The following NECAB1 variants were observed in gnomAD, a reference collection of about 807,000 sequenced individuals.
The protein encoded by NECAB1 is N-terminal EF-hand calcium-binding protein 1.
In NECAB1, 29 loss-of-function variants were observed where a neutral mutation model predicts 57.5. The observed-to-expected ratio is 0.50, with a 90% CI of 0.38 to 0.69. The LOEUF is 0.69. Ranked by LOEUF, NECAB1 falls within the 30% of genes least tolerant of loss-of-function variation. The pLI is 0.00. For synonymous variants in NECAB1, 142 were observed against 147.7 expected (o/e 0.96, Z 0.28); for missense variants, 372 against 413.8 (o/e 0.90, Z 0.88).
intron 5 of NECAB1, among the ~76,000 whole-genome samples, chr8:90,885,455 A>G (rs1300129877): frequency 6.6e-6 from 1 of 152,210 alleles, no homozygotes. Flanking sequence ...TTCCGTGGCT[A>G]TGACCAAAAA....
chr8:90,920,438 C>A (rs997359675), intron 6 of NECAB1, among the ~76,000 whole-genome samples: 1 of 152,198 alleles, frequency 6.6e-6, no homozygotes. Flanking sequence ...CTGGGACCTT[C>A]ATCAGTGAGG....
intron 2 of NECAB1, among the ~76,000 whole-genome samples, chr8:90,819,702 G>A (rs1205194314): frequency 6.6e-6 from 1 of 151,814 alleles, no homozygotes; most frequent in Non-Finnish European, 1.5e-5. Flanking sequence ...TTGTGGGCGT[G>A]TGTGCCTGGG....
At chr8:90,877,142 A>G (rs368666570) in intron 4 of NECAB1, among the ~76,000 whole-genome samples, 1 of 152,152 alleles carries the variant, frequency 6.6e-6, no homozygotes, top group African/African-American at 2.4e-5. Context: ...CAAATATGTC[A>G]CTGTCCTTCC....
At chr8:90,872,266 G>A in intron 4 of NECAB1, 113 bp downstream of exon 4, 1 of 841,066 alleles carries the variant, frequency 1.2e-6, no homozygotes, top group Non-Finnish European at 1.8e-6. Flanking sequence ...AGTTCACAAA[G>A]GAAAAATTAA....
chr8:90,925,472 C>T (rs544218341), intron 6 of NECAB1, 63 bp from the exon 7 acceptor site: 2 of 1,571,952 alleles, frequency 1.3e-6, no homozygotes, highest in African/African-American at 2.7e-5. Context: ...ATGAAGATCT[C>T]TTCCCTGAAG....
At chr8:90,927,847 G>A (rs1265766546) in intron 7 of NECAB1, among the ~76,000 whole-genome samples, 1 of 148,202 alleles carries the variant, frequency 6.7e-6, no homozygotes, top group Non-Finnish European at 1.5e-5. Flanking sequence ...GCTATGGTCA[G>A]GGGTATGATT....
intron 5 of NECAB1, among the ~76,000 whole-genome samples, chr8:90,916,381 T>A (rs1308231143): frequency 6.6e-6 from 1 of 152,156 alleles, no homozygotes; most frequent in African/African-American, 2.4e-5. Context: ...CTTAGTGATT[T>A]ATAAGTGGGA....
chr8:90,923,118 C>T (rs1025434816), intron 6 of NECAB1, among the ~76,000 whole-genome samples: 3 of 152,236 alleles, frequency 2.0e-5, no homozygotes, highest in African/African-American at 7.2e-5. Context: ...CAAGACTTGG[C>T]TGTACCATGT....
At chr8:90,848,298 T>C (rs1812607432) in intron 3 of NECAB1, among the ~76,000 whole-genome samples, 1 of 152,162 alleles carries the variant, frequency 6.6e-6, no homozygotes, top group Non-Finnish European at 1.5e-5. Context: ...TTACTGTCCA[T>C]ATCACTATCA....
Position 90,875,545 on chromosome 8 carries a change from G to T in NECAB1, c.259+3392G>T, listed in dbSNP as rs186400393. Reference sequence around the variant, plus strand: ...AGGTAGTTGAAATATTTACAGATGAGCGAAGAATAATTGCAATGAATGTGC... The same window carrying T: ...AGGTAGTTGAAATATTTACAGATGATCGAAGAATAATTGCAATGAATGTGC... On this transcript the variant is annotated intron_variant, in intron 4 of 12. Coordinates refer to ENST00000417640, the MANE Select transcript of NECAB1 (RefSeq NM_022351.5). 2.1e-3 allele frequency among the ~76,000 whole-genome samples: 313 copies of T among 147,704 alleles called. 1 individual carries two copies. The highest frequency in any genetic ancestry group is 7.1e-3 in the African/African-American group (285 of 39,886).
In NECAB1 at chr8:90,832,434, A is replaced by AT. The variant is rs1458022365; in HGVS notation, c.233+7615dup. 1.3e-4 allele frequency among the ~76,000 whole-genome samples: 20 copies of AT among 152,236 alleles called. No individual in the cohort carries two copies. The East Asian group carries it at 3.7e-3, about 28-fold the overall frequency. ...TTATAAAGGAGAGAATGTTAAAGGG[A>AT]TTTTTTCAAATGACATGGAAATGGT... On this transcript the variant is annotated intron_variant, in intron 3 of 12. Transcript: ENST00000417640.
At chr8:90,857,894 T>C (rs1433700231) in intron 3 of NECAB1, among the ~76,000 whole-genome samples, 1 of 152,162 alleles carries the variant, frequency 6.6e-6, no homozygotes, top group Admixed American at 6.5e-5. Context: ...AAATATAGGT[T>C]TATGAAAATA....
chr8:90,826,490 T>G (rs2129711418), intron 3 of NECAB1, among the ~76,000 whole-genome samples: 1 of 152,072 alleles, frequency 6.6e-6, no homozygotes, highest in South Asian at 2.1e-4. Context: ...TGCACTTTAC[T>G]GGGATATGAT....
intron 9 of NECAB1, among the ~76,000 whole-genome samples, chr8:90,939,235 C>T (rs1810611874): frequency 6.6e-6 from 1 of 152,228 alleles, no homozygotes; most frequent in African/African-American, 2.4e-5. Context: ...CCTGCTGTAG[C>T]AGGTCTTGTT....
intron 5 of NECAB1, among the ~76,000 whole-genome samples, chr8:90,890,974 T>G (rs181300371): frequency 2.7e-4 from 41 of 152,320 alleles, no homozygotes; most frequent in Admixed American, 9.8e-4. Context: ...CCAGTAAATC[T>G]GGAAAGTTAT....
At chr8:90,835,731 C>T (rs1273128652) in intron 3 of NECAB1, among the ~76,000 whole-genome samples, 1 of 152,142 alleles carries the variant, frequency 6.6e-6, no homozygotes, top group Non-Finnish European at 1.5e-5. Flanking sequence ...TCTCCAAATA[C>T]AATTGTAAAT....
intron 12 of NECAB1, among the ~76,000 whole-genome samples, chr8:90,953,301 T>G (rs1214495769): frequency 1.3e-5 from 2 of 152,200 alleles, no homozygotes; most frequent in Non-Finnish European, 2.9e-5. Context: ...CCCAACTTTA[T>G]CATTATCTGG....
intron 4 of NECAB1, among the ~76,000 whole-genome samples, chr8:90,879,479 A>C (rs1202843647): frequency 2.0e-5 from 3 of 152,050 alleles, no homozygotes; most frequent in Non-Finnish European, 4.4e-5. Context: ...GTCTATTTGC[A>C]TTTAAAACCC....
intron 5 of NECAB1, among the ~76,000 whole-genome samples, chr8:90,883,823 C>T (rs1481553200): frequency 6.6e-6 from 1 of 152,080 alleles, no homozygotes; most frequent in African/African-American, 2.4e-5. Flanking sequence ...CTCACATACA[C>T]ACAAAAAAAT....
Sources: allele counts gnomAD v4.1 joint callset (sites outside exome capture counted in the v4.1 genomes callset), GRCh38; gene constraint gnomAD v4.1.1; transcripts MANE v1.5; gene names NCBI Gene and HGNC (gene_info 2026-07-23, HGNC 2026-07-21).